The following LINGO3 variants were observed in gnomAD, a reference collection of about 807,000 sequenced individuals.
LINGO3 encodes leucine rich repeat and Ig domain containing 3.
For missense variants in LINGO3, 750 were observed against 867.7 expected, an observed-to-expected ratio of 0.86 and a Z score of 1.70; for synonymous variants, 427 against 444.2, an observed-to-expected ratio of 0.96 and a Z score of 0.49.
the LINGO3 span, among the ~76,000 whole-genome samples, chr19:2,307,188 C>T: frequency 3.9e-5 from 6 of 152,206 alleles, no homozygotes; most frequent in African/African-American, 1.4e-4. Flanking sequence ...AGGGTGTCTG[C>T]AGCCTCGCTG....
rs2025512413 is a variant in LINGO3 at position 2,290,889 on chromosome 19, C to T, written c.888G>A (p.Leu296=). The change falls in exon 1 of 1, where the codon CTG becomes CTA. Residue 296 remains leucine (L), a synonymous_variant. Transcript: ENST00000585527. The surrounding 1 kb of genome is among the most constrained non-coding windows in gnomAD (Gnocchi z 6.0). ...GGGCCCCGGCCAGGTGCAGCTCGCG[C>T]AGGCGGACCAGGTCCCGGAACGACC... 1 of 1,611,226 alleles carries T rather than the reference C, an allele frequency of 6.2e-7. No homozygotes were observed. Among genetic ancestry groups the T allele is most frequent in the East Asian group, 2.2e-5 (1 of 44,824 alleles).
Position 2,290,716 on chromosome 19 carries a change from A to G in LINGO3, c.1061T>C (p.Leu354Pro). 6.2e-7 allele frequency: 1 copy of G among 1,612,372 alleles called. No homozygotes were observed. Among genetic ancestry groups the G allele is most frequent in the Non-Finnish European group, 8.5e-7 (1 of 1,179,608 alleles). ...CCACAGCAGGCGACAGTCGCAGGCC[A>G]GCGGGTTCCCGTCCACGCGCAGCGT... The change falls in exon 1 of 1, where the codon CTG (leucine) becomes CCG (proline). Residue 354 changes from leucine (L) to proline (P), a missense_variant. By Grantham distance (98) the Leu-to-Pro change is moderately conservative. Coordinates refer to ENST00000585527, the Ensembl canonical transcript of LINGO3. The surrounding 1 kb of genome is among the most constrained non-coding windows in gnomAD (Gnocchi z 6.0).
In LINGO3 at chr19:2,291,715, G is replaced by A. The variant is rs774866588; in HGVS notation, c.62C>T (p.Pro21Leu). 1.6e-5 allele frequency: 22 copies of A among 1,339,238 alleles called. No homozygotes were observed. Among genetic ancestry groups the A allele is most frequent in the Middle Eastern group, 2.5e-4 (1 of 4,060 alleles). The allele number at this position is 1,339,238 out of a possible 1,614,324, so 83.0% of individuals were successfully genotyped here. ...GCAGCGGGCCGGGCAGCCTCCAGCC[G>A]GGGGCGGCGCCGCGGGCAGCAGGAG... The change falls in exon 1 of 1, where the codon CCG becomes CTG. Residue 21 changes from proline (P) to leucine (L), a missense_variant. By Grantham distance (98) the Pro-to-Leu change is moderately conservative (BLOSUM62 -3). Transcript: ENST00000585527.
chr19:2,303,497 G>A, the LINGO3 span, among the ~76,000 whole-genome samples: 1 of 152,052 alleles, frequency 6.6e-6, no homozygotes, highest in African/African-American at 2.4e-5. Flanking sequence ...GTGTGTCTGC[G>A]CTTGCGGGGG....
At chr19:2,295,292 C>A (rs2025563261), upstream of LINGO3, among the ~76,000 whole-genome samples, 1 of 152,146 alleles carries the variant, frequency 6.6e-6, no homozygotes, top group Admixed American at 6.5e-5. Flanking sequence ...CAGGCAGAGA[C>A]TGGAGTGATT....
At chr19:2,303,677 C>G in the LINGO3 span, among the ~76,000 whole-genome samples, 682 of 152,344 alleles carry the variant, frequency 4.5e-3, 2 homozygotes, top group African/African-American at 0.015. Flanking sequence ...GGTCCGACCC[C>G]AGGTCGCCCT....
the LINGO3 span, among the ~76,000 whole-genome samples, chr19:2,305,674 GAGTGAGA>G: frequency 6.6e-6 from 1 of 152,202 alleles, no homozygotes; most frequent in Non-Finnish European, 1.5e-5. Context: ...GAGGGGGCAG[GAGTGAGA>G]AGTGTGGTAG....
the LINGO3 span, among the ~76,000 whole-genome samples, chr19:2,304,883 A>G: frequency 6.6e-6 from 1 of 151,132 alleles, no homozygotes; most frequent in African/African-American, 2.4e-5. Context: ...AATTTTTTGT[A>G]TTTTCAGTAG....
the LINGO3 span, among the ~76,000 whole-genome samples, chr19:2,303,357 G>T: frequency 1.6e-3 from 11 of 6,736 alleles, no homozygotes; most frequent in South Asian, 8.5e-3. Context: ...AGGGAGCTGT[G>T]GGGGGGGGGG....
the LINGO3 span, among the ~76,000 whole-genome samples, chr19:2,304,018 G>A: frequency 6.6e-6 from 1 of 152,364 alleles, no homozygotes; most frequent in East Asian, 1.9e-4. Context: ...TGAGAAGTCA[G>A]GCAAGGAGGT....
the LINGO3 span, among the ~76,000 whole-genome samples, chr19:2,300,471 A>G: frequency 6.6e-6 from 1 of 151,550 alleles, no homozygotes; most frequent in East Asian, 1.9e-4. Flanking sequence ...GCTGCCACCC[A>G]CCTGGGGCAT....
At chr19:2,287,419 A>G (rs1358765745), downstream of LINGO3, among the ~76,000 whole-genome samples, 1 of 152,110 alleles carries the variant, frequency 6.6e-6, no homozygotes. This position sits in a 1 kb window ranked among gnomAD's most constrained non-coding sequence, Gnocchi z 4.5. Flanking sequence ...AGAGTCAGAC[A>G]GGTGCTAAGA....
the LINGO3 span, among the ~76,000 whole-genome samples, chr19:2,306,711 A>C: frequency 2.6e-5 from 4 of 152,294 alleles, no homozygotes; most frequent in East Asian, 5.8e-4. Flanking sequence ...GGTGAAGACC[A>C]GACAGGCAGG....
At chr19:2,296,837 C>G (rs2025576538), upstream of LINGO3, among the ~76,000 whole-genome samples, 1 of 151,162 alleles carries the variant, frequency 6.6e-6, no homozygotes, top group South Asian at 2.1e-4. Context: ...ACCTGTAATC[C>G]CAGCACTTTG....
upstream of LINGO3, among the ~76,000 whole-genome samples, chr19:2,294,569 T>G (rs538670828): frequency 6.0e-4 from 89 of 147,676 alleles, no homozygotes; most frequent in Middle Eastern, 3.5e-3. The surrounding 1 kb of genome is among the most constrained non-coding windows in gnomAD (Gnocchi z 4.3). Context: ...GGCCCCGAGG[T>G]GTGGCGGGAG....
chr19:2,291,877 G>A (rs746596085), exon 1 of LINGO3: 5 of 1,038,614 alleles, frequency 4.8e-6, no homozygotes, highest in Non-Finnish European at 2.8e-6. Context: ...CCTCCGCGGC[G>A]CCTCTGCCGC....
chr19:2,290,432 C>T lies in LINGO3; in HGVS notation c.1345G>A (p.Val449Met). The change falls in exon 1 of 1, where the codon GTG (valine) becomes ATG (methionine). Residue 449 changes from valine to methionine, a missense_variant. Coordinates refer to ENST00000585527, the Ensembl canonical transcript of LINGO3. The surrounding 1 kb of genome is among the most constrained non-coding windows in gnomAD (Gnocchi z 6.0). ...GCCCGGCCCGCGCTGGTGGCCGTCA[C>T]CGGCCGGTGCTGGGGGGTCACCCAG... 7.1e-7 allele frequency: 1 copy of T among 1,413,528 alleles called. No individual in the cohort carries two copies. Among genetic ancestry groups the T allele is most frequent in the South Asian group, 1.5e-5 (1 of 65,554 alleles). The allele number at this position is 1,413,528 out of a possible 1,614,324, so 87.6% of individuals were successfully genotyped here.
chr19:2,304,036 G>A, the LINGO3 span, among the ~76,000 whole-genome samples: 5,799 of 152,284 alleles, frequency 0.038, 371 homozygotes, highest in African/African-American at 0.13. Context: ...GGTTCCTTCC[G>A]GGGAAGTCTC....
chr19:2,301,742 A>C, the LINGO3 span, among the ~76,000 whole-genome samples: 1 of 152,000 alleles, frequency 6.6e-6, no homozygotes, highest in Non-Finnish European at 1.5e-5. Flanking sequence ...CCTGGTTAAC[A>C]TGGTGAAACC....
Sources: gnomAD v4.1 joint callset for allele counts (sites outside exome capture counted in the v4.1 genomes callset) on GRCh38, gnomAD v4.1.1 for gene constraint, Gnocchi (gnomAD v3.1) non-coding constraint, MANE v1.5 for transcripts, NCBI Gene and HGNC (gene_info 2026-07-23, HGNC 2026-07-21) for gene names.